The following ROBO1 variants were observed in gnomAD, a reference collection of about 807,000 sequenced individuals.
The protein encoded by ROBO1 is roundabout guidance receptor 1, also known as roundabout homolog 1.
A neutral mutation model predicts 195.9 loss-of-function variants in ROBO1; 149 were observed. The observed-to-expected ratio is 0.76, with a 90% CI of 0.67 to 0.87. ROBO1 has a LOEUF of 0.87. Ranked by LOEUF, ROBO1 falls within the 40% of genes least tolerant of loss-of-function variation. The pLI is 0.00. For synonymous variants in ROBO1, 816 were observed against 733.2 expected (o/e 1.11, Z -1.82); for missense variants, 1,933 against 2,068.3 (o/e 0.93, Z 1.27).
intron 25 of ROBO1, among the ~76,000 whole-genome samples, chr3:78,630,059 C>T (rs953075950): frequency 6.6e-6 from 1 of 152,116 alleles, no homozygotes; most frequent in African/African-American, 2.4e-5. Context: ...CTGTAATGTG[C>T]CTTAAAGAAA....
chr3:78,643,357 GAC>G (rs1356003574), intron 21 of ROBO1, among the ~76,000 whole-genome samples: 1 of 152,174 alleles, frequency 6.6e-6, no homozygotes, highest in African/African-American at 2.4e-5. Flanking sequence ...ACTGACCTCT[GAC>G]ATAAACAAAA....
intron 18 of ROBO1, among the ~76,000 whole-genome samples, chr3:78,652,167 A>T (rs1706705297): frequency 6.6e-6 from 1 of 152,332 alleles, no homozygotes; most frequent in African/African-American, 2.4e-5. Flanking sequence ...GCTTAAAAAC[A>T]AAAGCAATGG....
intron 3 of ROBO1, among the ~76,000 whole-genome samples, chr3:78,951,330 T>C (rs1445460944): frequency 6.6e-6 from 1 of 152,010 alleles, no homozygotes; most frequent in Non-Finnish European, 1.5e-5. Flanking sequence ...CATAAAAAGC[T>C]TTCTCTCTTC....
chr3:78,598,785 A>T lies in ROBO1; in HGVS notation c.*128T>A, dbSNP rs983671655. On this transcript the variant is annotated 3_prime_UTR_variant, in exon 31 of 31. Coordinates refer to ENST00000464233, the MANE Select transcript of ROBO1 (RefSeq NM_002941.4). Reference sequence around the variant, plus strand: ...GTTTTTAAAATGATATCCCAATAAGAGGAATAAAAACGACAATTTGTACAC... The same window carrying T: ...GTTTTTAAAATGATATCCCAATAAGTGGAATAAAAACGACAATTTGTACAC... The T allele has an allele frequency of 1.8e-6, 1 of 558,146 alleles. No individual in the cohort carries two copies. The highest frequency in any genetic ancestry group is 1.9e-5 in the African/African-American group (1 of 51,822). 34.6% of individuals were successfully genotyped at this position (558,146 alleles called of 1,614,324 possible).
intron 2 of ROBO1, among the ~76,000 whole-genome samples, chr3:79,519,265 T>G (rs1941090094): frequency 6.6e-6 from 1 of 152,148 alleles, no homozygotes; most frequent in Non-Finnish European, 1.5e-5. Flanking sequence ...GATCTTTTTC[T>G]TTCATCTTTT....
At chr3:78,810,540 A>G (rs2084704965) in intron 4 of ROBO1, among the ~76,000 whole-genome samples, 1 of 152,174 alleles carries the variant, frequency 6.6e-6, no homozygotes, top group South Asian at 2.1e-4. Context: ...GTAAACATAT[A>G]TTGAGTAACA....
intron 1 of ROBO1, among the ~76,000 whole-genome samples, chr3:79,670,914 GAAGAACT>G (rs1946613903): frequency 6.6e-6 from 1 of 151,786 alleles, no homozygotes; most frequent in Non-Finnish European, 1.5e-5. Context: ...AACAATACAG[GAAGAACT>G]AATGTAATTG....
At chr3:79,191,477 CA>C (rs1366054069) in intron 2 of ROBO1, among the ~76,000 whole-genome samples, 1 of 151,308 alleles carries the variant, frequency 6.6e-6, no homozygotes, top group Non-Finnish European at 1.5e-5. Context: ...GATTATATTT[CA>C]CTTATAAGAA....
At chr3:78,848,471 G>T (rs1248246098) in intron 4 of ROBO1, among the ~76,000 whole-genome samples, 2 of 152,086 alleles carry the variant, frequency 1.3e-5, no homozygotes, top group East Asian at 1.9e-4. Flanking sequence ...ACAGTAAAGG[G>T]GTAAGAAAGT....
At chr3:79,317,107 TATA>T (rs1167683580) in intron 2 of ROBO1, among the ~76,000 whole-genome samples, 1 of 152,124 alleles carries the variant, frequency 6.6e-6, no homozygotes, top group Non-Finnish European at 1.5e-5. Context: ...CTCCTCTCTT[TATA>T]GAGAATTGAC....
At chr3:78,687,386 C>T (rs997047994) in intron 9 of ROBO1, among the ~76,000 whole-genome samples, 1 of 152,036 alleles carries the variant, frequency 6.6e-6, no homozygotes, top group Non-Finnish European at 1.5e-5. Flanking sequence ...GCCTATATAC[C>T]ATAATCAAAT....
intron 1 of ROBO1, among the ~76,000 whole-genome samples, chr3:79,645,825 A>G (rs574957282): frequency 1.3e-5 from 2 of 152,306 alleles, no homozygotes; most frequent in East Asian, 3.9e-4. Context: ...CCACAAATCT[A>G]TAGTCAACTG....
At position 79,291,571 on chromosome 3, in the gene ROBO1, C is replaced by T. The variant is rs114015078; in HGVS notation, c.89-166032G>A. 6.4e-3 allele frequency among the ~76,000 whole-genome samples: 974 copies of T among 152,294 alleles called. 9 individuals are homozygous for T. Among genetic ancestry groups the T allele is most frequent in the African/African-American group, 0.022 (904 of 41,560 alleles). ...ATTTTTCAATTATATACTTCTCCTT[C>T]GTGCCCCCAAAACACCCCAGTGGAG... On this transcript the variant is annotated intron_variant, in intron 2 of 30. Coordinates refer to ENST00000464233, the MANE Select transcript of ROBO1 (RefSeq NM_002941.4).
At chr3:79,561,151 A>G (rs1369563711) in intron 2 of ROBO1, among the ~76,000 whole-genome samples, 3 of 152,070 alleles carry the variant, frequency 2.0e-5, no homozygotes, top group African/African-American at 7.2e-5. Flanking sequence ...TGACTTTTCC[A>G]TTTCCTCTGA....
In ROBO1 at chr3:79,128,261, A is replaced by G. The variant is rs372661494; in HGVS notation, c.89-2722T>C. Among the ~76,000 whole-genome samples, 9 of 152,228 alleles carry G rather than the reference A, an allele frequency of 5.9e-5. No individual in the cohort carries two copies. In the South Asian group the frequency reaches 1.9e-3, roughly 32 times the overall value. On this transcript the variant is annotated intron_variant, in intron 2 of 30. Transcript: ENST00000464233. ...CTGAATTGAAACAGGTTCAGCTGCA[A>G]TTGGTGAAAGCTGTCATCCCATCTA... is the stretch of plus-strand genomic sequence containing the variant.
In ROBO1 at chr3:79,569,645, A is replaced by ATGTG. The variant is rs112113543; in HGVS notation, c.88+20175_88+20178dup. ...CACCGGAATGATTATATGTATAGAT[A>ATGTG]TGTGTGTGTGTGTGTGTGTGTGTGT... On this transcript the variant is annotated intron_variant, in intron 2 of 30. Transcript: ENST00000464233. Among the ~76,000 whole-genome samples, 771 of 142,220 alleles carry ATGTG rather than the reference A, an allele frequency of 5.4e-3. 5 individuals carry two copies. Among genetic ancestry groups the ATGTG allele is most frequent in the African/African-American group, 0.015 (557 of 36,466 alleles). 93.3% of individuals were successfully genotyped at this position (142,220 alleles called of 152,430 possible). A position where few individuals can be genotyped will look rare whatever the true frequency, so the allele number is the denominator to read the frequency against.
At chr3:79,086,980 C>G (rs1233947113) in intron 3 of ROBO1, among the ~76,000 whole-genome samples, 1 of 151,932 alleles carries the variant, frequency 6.6e-6, no homozygotes, top group Non-Finnish European at 1.5e-5. Flanking sequence ...GAATAGTTCA[C>G]TAAATTAAGG....
intron 19 of ROBO1, among the ~76,000 whole-genome samples, chr3:78,648,100 C>CTTAA (rs1351993004): frequency 6.7e-6 from 1 of 149,516 alleles, no homozygotes; most frequent in East Asian, 2.0e-4. Context: ...CACTTATGTA[C>CTTAA]TTAACATTGA....
At chr3:79,678,293 CTATA>C (rs151162183) in intron 1 of ROBO1, among the ~76,000 whole-genome samples, 6 of 149,914 alleles carry the variant, frequency 4.0e-5, no homozygotes, top group African/African-American at 1.5e-4. Context: ...ATATAAATCA[CTATA>C]TATATATATA....
Sources: allele counts gnomAD v4.1 joint callset (sites outside exome capture counted in the v4.1 genomes callset), GRCh38; gene constraint gnomAD v4.1.1; transcripts MANE v1.5; gene names NCBI Gene and HGNC (gene_info 2026-07-23, HGNC 2026-07-21).